Variants in SMYD3 observed in about 807,000 individuals in gnomAD.
SMYD3 encodes the protein SET and MYND domain containing 3.
SMYD3 carries 36 observed loss-of-function variants against 57.7 expected under a neutral mutation model. The observed-to-expected ratio is 0.62, with a 90% CI of 0.48 to 0.82. SMYD3 has a LOEUF of 0.82. SMYD3 is among the 40% of genes least tolerant of loss of function. SMYD3 has a pLI of 0.00. For missense variants in SMYD3, 515 were observed against 538.8 expected (o/e 0.96, Z 0.44); for synonymous variants, 211 against 195.0 (o/e 1.08, Z -0.68).
chr1:246,420,546 C>T (rs1237805732), intron 1 of SMYD3, among the ~76,000 whole-genome samples: 1 of 152,176 alleles, frequency 6.6e-6, no homozygotes, highest in Non-Finnish European at 1.5e-5. Flanking sequence ...AGTTTTATTT[C>T]CAAGAATTCA....
chr1:246,159,271 GAGCCAA>G (rs2062074732), intron 5 of SMYD3, among the ~76,000 whole-genome samples: 2 of 152,158 alleles, frequency 1.3e-5, no homozygotes, highest in African/African-American at 4.8e-5. Flanking sequence ...TGCCATTAGG[GAGCCAA>G]GCTCCTTATA....
At chr1:245,955,899 ATTATATCCTAAGATTCAT>A in intron 5 of SMYD3, 1 of 971,214 alleles carries the variant, frequency 1.0e-6, no homozygotes, top group Non-Finnish European at 1.2e-6. Flanking sequence ...TTGGCTCAAC[ATTATATCCTAAGATTCAT>A]TTATGTTGAT....
At position 246,291,673 on chromosome 1, in the gene SMYD3, C is replaced by T. The variant is rs544686280; in HGVS notation, c.531+35528G>A. Among the ~76,000 whole-genome samples, 8 of 152,308 alleles carry T rather than the reference C, an allele frequency of 5.3e-5. No individual in the cohort carries two copies. In the East Asian group the frequency reaches 1.2e-3, roughly 22 times the overall value. ...GACCTATGTTCAACTGTAATTTACA[C>T]ATTAAGTATAAGCTTTTATTTTCAT... On this transcript the variant is annotated intron_variant, in intron 5 of 11. Coordinates refer to ENST00000490107, the MANE Select transcript of SMYD3 (RefSeq NM_001167740.2).
Position 246,059,998 on chromosome 1 carries a change from G to T in SMYD3, c.532-130061C>A, listed in dbSNP as rs373786518. On this transcript the variant is annotated intron_variant, in intron 5 of 11. Coordinates refer to ENST00000490107, the MANE Select transcript of SMYD3 (RefSeq NM_001167740.2). ...TAAATATATTGCTTTAAAAAAAAAA[G>T]TTGGCGGGGCATAATGGCTCACACC... 8.5e-5 allele frequency among the ~76,000 whole-genome samples: 13 copies of T among 152,130 alleles called. No homozygotes were observed. In the East Asian group the frequency reaches 1.5e-3, roughly 18 times the overall value.
chr1:245,820,269 A>G (rs1288681408), intron 10 of SMYD3, among the ~76,000 whole-genome samples: 3 of 151,882 alleles, frequency 2.0e-5, no homozygotes, highest in African/African-American at 7.2e-5. Context: ...GTAATCCAGC[A>G]TATAAACAGA....
chr1:245,839,271 G>A (rs959526305), intron 10 of SMYD3, among the ~76,000 whole-genome samples: 5 of 152,184 alleles, frequency 3.3e-5, no homozygotes, highest in South Asian at 2.1e-4. Context: ...CCGGGTTCAC[G>A]CCATTCTCCT....
chr1:246,172,751 G>A (rs1185445080), intron 5 of SMYD3, among the ~76,000 whole-genome samples: 2 of 143,928 alleles, frequency 1.4e-5, no homozygotes, highest in Non-Finnish European at 3.0e-5. Context: ...AGGCTACACA[G>A]GCCTAGAACA....
chr1:246,498,730 CA>C (rs1247516323), intron 1 of SMYD3, among the ~76,000 whole-genome samples: 146 of 68,082 alleles, frequency 2.1e-3, no homozygotes, highest in East Asian at 0.013. Flanking sequence ...GACTCCGTCT[CA>C]AAAAAAAAAA....
chr1:245,749,427 C>T lies in SMYD3; in HGVS notation c.*136G>A. 1.6e-6 allele frequency: 1 copy of T among 611,796 alleles called. No individual in the cohort carries two copies. The highest frequency in any genetic ancestry group is 2.8e-5 in the East Asian group (1 of 35,276). 37.9% of individuals were successfully genotyped at this position (611,796 alleles called of 1,614,324 possible). A position where few individuals can be genotyped will look rare whatever the true frequency, so the allele number is the denominator to read the frequency against. On this transcript the variant is annotated 3_prime_UTR_variant, in exon 12 of 12. Coordinates refer to ENST00000490107, the MANE Select transcript of SMYD3 (RefSeq NM_001167740.2). Reference sequence around the variant, plus strand: ...TCTTGTGGTTTGCAAACCATGTCTGCCTTTATTTACCTACACAAACACGGA... The same window carrying T: ...TCTTGTGGTTTGCAAACCATGTCTGTCTTTATTTACCTACACAAACACGGA...
chr1:246,199,779 C>T (rs1041601696), intron 5 of SMYD3, among the ~76,000 whole-genome samples: 7 of 152,236 alleles, frequency 4.6e-5, no homozygotes, highest in Admixed American at 2.0e-4. Flanking sequence ...TAGAAGAGAA[C>T]AGCATAGATG....
At chr1:246,130,825 AATT>A (rs1330140635) in intron 5 of SMYD3, among the ~76,000 whole-genome samples, 1 of 152,158 alleles carries the variant, frequency 6.6e-6, no homozygotes, top group African/African-American at 2.4e-5. Context: ...CATGAACAAG[AATT>A]ATCGTTCTAA....
At chr1:246,274,810 T>C (rs2064298178) in intron 5 of SMYD3, among the ~76,000 whole-genome samples, 1 of 152,090 alleles carries the variant, frequency 6.6e-6, no homozygotes, top group South Asian at 2.1e-4. Context: ...TGGATCAGAA[T>C]TCAGTTTTTC....
chr1:246,361,060 G>A lies in SMYD3; in HGVS notation c.165-5966C>T, dbSNP rs535940180. ...TTCACAATCTATACATCCGACAAAG[G>A]ACTCATATCCAGAATCTACAAAGAA... On this transcript the variant is annotated intron_variant, in intron 1 of 11. Transcript: ENST00000490107. Among the ~76,000 whole-genome samples, 7 of 152,230 alleles carry A rather than the reference G, an allele frequency of 4.6e-5. No homozygotes were observed. The South Asian group carries it at 1.2e-3, about 27-fold the overall frequency.
chr1:246,271,631 C>G (rs1438361807), intron 5 of SMYD3, among the ~76,000 whole-genome samples: 1 of 152,186 alleles, frequency 6.6e-6, no homozygotes, highest in African/African-American at 2.4e-5. Context: ...TACTTCTGGA[C>G]TTTCCCGTTG....
intron 1 of SMYD3, among the ~76,000 whole-genome samples, chr1:246,371,557 A>G (rs1470856625): frequency 6.6e-6 from 1 of 152,228 alleles, no homozygotes; most frequent in Non-Finnish European, 1.5e-5. Context: ...TAGGTGTATA[A>G]CTATTGCTAG....
At chr1:245,923,016 T>A (rs915535587) in intron 7 of SMYD3, among the ~76,000 whole-genome samples, 1 of 152,092 alleles carries the variant, frequency 6.6e-6, no homozygotes, top group African/African-American at 2.4e-5. Context: ...CTATAAATAT[T>A]CCCTATCATC....
chr1:246,072,099 T>C (rs1196442876), intron 5 of SMYD3, among the ~76,000 whole-genome samples: 1 of 93,306 alleles, frequency 1.1e-5, no homozygotes, highest in Admixed American at 1.1e-4. Context: ...TGCTTTCCGC[T>C]GTGCTCACTG....
chr1:245,786,216 G>GC lies in SMYD3; in HGVS notation c.1077-22068_1077-22067insG, dbSNP rs1553321367. On this transcript the variant is annotated intron_variant, in intron 10 of 11. Transcript: ENST00000490107. ...CTGAGTTGAGTTGGGGTGTGGACGG[G>GC]GGGGGGATGGTGGCAACAGAATATT... Among the ~76,000 whole-genome samples, 37 of 138,422 alleles carry GC rather than the reference G, an allele frequency of 2.7e-4. 1 individual carries two copies. Among genetic ancestry groups the GC allele is most frequent in the Admixed American group, 1.1e-3 (16 of 14,092 alleles). 90.8% of individuals were successfully genotyped at this position (138,422 alleles called of 152,430 possible).
chr1:245,898,916 C>CA (rs748505784), intron 8 of SMYD3, among the ~76,000 whole-genome samples: 70 of 152,192 alleles, frequency 4.6e-4, no homozygotes, highest in Admixed American at 1.5e-3. Flanking sequence ...CCAAATCATT[C>CA]AAAAACCTCC....
Sources: allele counts gnomAD v4.1 joint callset (sites outside exome capture counted in the v4.1 genomes callset), GRCh38; gene constraint gnomAD v4.1.1; transcripts MANE v1.5; gene names NCBI Gene and HGNC (gene_info 2026-07-23, HGNC 2026-07-21).